The following TFEC variants were observed in gnomAD, a reference collection of about 807,000 sequenced individuals.
TFEC encodes class E basic helix-loop-helix protein 34.
In TFEC, 31 loss-of-function variants were observed where a neutral mutation model predicts 41.6. That is an observed-to-expected ratio of 0.74 (90% CI 0.56 to 1.01). The LOEUF (loss-of-function observed/expected upper bound fraction) is 1.01, where lower values mean the gene tolerates loss of function less well. Among genes scored for constraint, TFEC ranks in the 50% least tolerant of loss-of-function variants. TFEC has a pLI of 0.00. For missense variants in TFEC, 402 were observed against 404.1 expected (o/e 0.99, Z 0.04); for synonymous variants, 143 against 140.6 (o/e 1.02, Z -0.12).
chr7:116,075,851 A>G (rs1796947550), intron 3 of TFEC, among the ~76,000 whole-genome samples: 2 of 152,104 alleles, frequency 1.3e-5, no homozygotes, highest in Admixed American at 1.3e-4. Context: ...CCTACCCACC[A>G]CCTGAGAAAT....
intron 3 of TFEC, chr7:115,968,060 T>C (rs928387794): frequency 3.3e-6 from 3 of 919,690 alleles, no homozygotes; most frequent in Non-Finnish European, 3.0e-6. Context: ...ATATATTTTA[T>C]GCGTTTCAAA....
At chr7:116,137,689 C>T (rs972008973) in intron 1 of TFEC, among the ~76,000 whole-genome samples, 3 of 152,078 alleles carry the variant, frequency 2.0e-5, no homozygotes, top group Non-Finnish European at 4.4e-5. Context: ...ACACACACTG[C>T]ATCAACAGTG....
chr7:116,066,955 G>A (rs2131009160), intron 3 of TFEC, among the ~76,000 whole-genome samples: 1 of 152,072 alleles, frequency 6.6e-6, no homozygotes, highest in Non-Finnish European at 1.5e-5. Context: ...GAAATATTTG[G>A]AGTTTAATCA....
intron 3 of TFEC, among the ~76,000 whole-genome samples, chr7:116,095,983 C>A (rs535488798): frequency 6.6e-6 from 1 of 152,208 alleles, no homozygotes; most frequent in East Asian, 1.9e-4. Flanking sequence ...TGTGTTTCCT[C>A]TTCTAAAGTC....
intron 1 of TFEC, among the ~76,000 whole-genome samples, chr7:116,146,517 G>C (rs936646668): frequency 3.3e-5 from 5 of 152,206 alleles, no homozygotes; most frequent in African/African-American, 1.2e-4. Flanking sequence ...TCTAAGGCAA[G>C]AATTCACATC....
At chr7:116,143,632 C>T (rs1454887717) in intron 1 of TFEC, among the ~76,000 whole-genome samples, 7 of 152,270 alleles carry the variant, frequency 4.6e-5, no homozygotes, top group African/African-American at 1.7e-4. Flanking sequence ...TCACCCCTTG[C>T]TGTGTATATG....
chr7:116,047,758 G>A (rs1407404365), intron 3 of TFEC, among the ~76,000 whole-genome samples: 1 of 152,116 alleles, frequency 6.6e-6, no homozygotes, highest in Non-Finnish European at 1.5e-5. Context: ...CCCAGTAGGG[G>A]GAAACTGACA....
chr7:115,958,176 T>G (rs952404164), intron 3 of TFEC, among the ~76,000 whole-genome samples: 24 of 151,918 alleles, frequency 1.6e-4, no homozygotes, highest in Admixed American at 1.4e-3. Flanking sequence ...AGTCATCAGC[T>G]ATTTCTCCTC....
chr7:116,073,076 C>T (rs10249205), intron 3 of TFEC, among the ~76,000 whole-genome samples: 15,032 of 151,142 alleles, frequency 0.099, 809 homozygotes, highest in African/African-American at 0.13. Context: ...GGCATGATCT[C>T]GTACATAGAA....
chr7:116,020,939 C>T (rs1325368622), intron 1 of TFEC, among the ~76,000 whole-genome samples: 1 of 152,100 alleles, frequency 6.6e-6, no homozygotes, highest in Admixed American at 6.6e-5. Flanking sequence ...GAATATTCAG[C>T]CAACATAAAA....
intron 1 of TFEC, among the ~76,000 whole-genome samples, chr7:116,149,010 C>T (rs767438898): frequency 6.6e-6 from 1 of 151,394 alleles, no homozygotes; most frequent in Non-Finnish European, 1.5e-5. Context: ...AAAGGAAAAC[C>T]GAAAGAATTA....
chr7:116,117,558 T>G (rs1003088180), intron 1 of TFEC: 5 of 151,808 alleles, frequency 3.3e-5, no homozygotes, highest in African/African-American at 1.2e-4. Context: ...ATCTAAAGAA[T>G]GTGATGGAGC....
intron 1 of TFEC, among the ~76,000 whole-genome samples, chr7:116,014,092 G>A (rs193040275): frequency 6.6e-6 from 1 of 152,016 alleles, no homozygotes; most frequent in African/African-American, 2.4e-5. Context: ...AGTTTCTTGA[G>A]ATCATCTTTA....
chr7:115,988,249 G>A (rs1221012688), intron 1 of TFEC, among the ~76,000 whole-genome samples: 1 of 151,946 alleles, frequency 6.6e-6, no homozygotes, highest in Non-Finnish European at 1.5e-5. Flanking sequence ...ACTCAGATAT[G>A]GCATGGAAGT....
At position 115,939,122 on chromosome 7, in the gene TFEC, TTATTC is replaced by T. The variant is rs1253031704; in HGVS notation, c.*1424_*1428del. 2 of 152,058 alleles carry T rather than the reference TTATTC, an allele frequency of 1.3e-5. No individual in the cohort carries two copies. Among genetic ancestry groups the T allele is most frequent in the Non-Finnish European group, 2.9e-5 (2 of 67,980 alleles). The allele number at this position is 152,058 out of a possible 1,614,324, so 9.4% of individuals were successfully genotyped here. The stretch of plus-strand genomic sequence containing the variant: ...TATTTACAGTTTATGCTTAGATTTT[TTATTC>T]TATATGTCTTCTATCTTTTGTTTTT... On this transcript the variant is annotated 3_prime_UTR_variant, in exon 8 of 8. Coordinates refer to ENST00000265440, the MANE Select transcript of TFEC (RefSeq NM_012252.4).
At chr7:116,142,752 C>T (rs1282646765) in intron 1 of TFEC, among the ~76,000 whole-genome samples, 2 of 152,130 alleles carry the variant, frequency 1.3e-5, no homozygotes, top group African/African-American at 2.4e-5. Context: ...ATTTTCAGTT[C>T]CTGTTTCCAG....
Position 116,133,329 on chromosome 7 carries a change from G to T in TFEC, c.-68-21291C>A, listed in dbSNP as rs142253620. 4.0e-3 allele frequency among the ~76,000 whole-genome samples: 604 copies of T among 152,206 alleles called. 4 individuals carry two copies. The highest frequency in any genetic ancestry group is 0.014 in the African/African-American group (569 of 41,550). On this transcript the variant is annotated intron_variant, in intron 1 of 8. Coordinates refer to the TFEC transcript ENST00000484212. ...CTTTGGGGGGCCAAGGCAGGCAGAT[G>T]ACTTGAGGCCAGGAGTTCGAGACCA...
At chr7:116,111,014 T>C (rs953006661) in intron 2 of TFEC, 1 of 620,300 alleles carries the variant, frequency 1.6e-6, no homozygotes, top group African/African-American at 1.9e-5. Context: ...ATAAAATAAA[T>C]TTAGTAAATG....
At chr7:116,137,735 T>C (rs1321776598) in intron 1 of TFEC, among the ~76,000 whole-genome samples, 2 of 152,134 alleles carry the variant, frequency 1.3e-5, no homozygotes, top group African/African-American at 4.8e-5. Flanking sequence ...TCAAGAAACT[T>C]GGGCTTTTTA....
Sources: gnomAD v4.1 joint callset for allele counts (sites outside exome capture counted in the v4.1 genomes callset) on GRCh38, gnomAD v4.1.1 for gene constraint, MANE v1.5 for transcripts, NCBI Gene and HGNC (gene_info 2026-07-23, HGNC 2026-07-21) for gene names.